TENM2: variants seen among roughly 807,000 people sequenced by gnomAD.
The protein encoded by TENM2 is teneurin transmembrane protein 2.
A neutral mutation model predicts 245.2 loss-of-function variants in TENM2; 52 were observed. The ratio of observed to expected loss-of-function variants is 0.21; its 90% confidence interval spans 0.17 to 0.27. The LOEUF is 0.27. Ranked by LOEUF, TENM2 falls within the 10% of genes least tolerant of loss-of-function variation. The pLI, the probability that TENM2 is intolerant of heterozygous loss-of-function variation, is 1.00. For synonymous variants in TENM2, 1,363 were observed against 1,438.9 expected, an observed-to-expected ratio of 0.95 and a Z score of 1.19; for missense variants, 3,046 against 3,666.8, an observed-to-expected ratio of 0.83 and a Z score of 4.37.
intron 2 of TENM2, among the ~76,000 whole-genome samples, chr5:167,580,828 C>A (rs528886123): frequency 6.6e-6 from 1 of 152,102 alleles, no homozygotes; most frequent in Non-Finnish European, 1.5e-5. Flanking sequence ...ATCTCTACAA[C>A]AAATACAAAA....
intron 12 of TENM2, among the ~76,000 whole-genome samples, chr5:168,138,118 T>G (rs1473718562): frequency 1.3e-5 from 2 of 152,212 alleles, no homozygotes; most frequent in East Asian, 3.9e-4. Context: ...ATTCCAAGTT[T>G]GAGGCAGTTT....
intron 2 of TENM2, among the ~76,000 whole-genome samples, chr5:167,431,660 CACA>C (rs1252229606): frequency 7.2e-5 from 11 of 151,794 alleles, no homozygotes; most frequent in South Asian, 2.1e-4. Context: ...TATCTATATA[CACA>C]ACAACAGACA....
intron 23 of TENM2, among the ~76,000 whole-genome samples, chr5:168,219,793 A>C (rs750597767): frequency 2.2e-5 from 3 of 137,484 alleles, no homozygotes; most frequent in Non-Finnish European, 3.0e-5. Flanking sequence ...GCTAGCTCAG[A>C]ATGTAGTTAA....
intron 2 of TENM2, among the ~76,000 whole-genome samples, chr5:167,442,342 C>T (rs1305460074): frequency 2.6e-5 from 4 of 152,136 alleles, no homozygotes; most frequent in Non-Finnish European, 5.9e-5. Context: ...CTTTATTATA[C>T]AAAATGCTGT....
intron 3 of TENM2, among the ~76,000 whole-genome samples, chr5:167,896,106 G>T (rs1366458923): frequency 6.6e-6 from 1 of 152,230 alleles, no homozygotes; most frequent in Non-Finnish European, 1.5e-5. Context: ...TGTCGACCCA[G>T]TGCCAGCATG....
rs536057061 is a variant in TENM2 at position 167,657,153 on chromosome 5, A to G, written c.503-218833A>G. Reference sequence around the variant, plus strand: ...CCCAGCCTCTGGTATTCTCTCTTCTACTTTTAATCTCTATGAGATCATGTT... The same window carrying G: ...CCCAGCCTCTGGTATTCTCTCTTCTGCTTTTAATCTCTATGAGATCATGTT... On this transcript the variant is annotated intron_variant, in intron 2 of 28. Coordinates refer to ENST00000518659, the Ensembl canonical transcript of TENM2. 7.2e-5 allele frequency among the ~76,000 whole-genome samples: 11 copies of G among 152,092 alleles called. No individual in the cohort carries two copies. In the South Asian group the frequency reaches 2.1e-3, roughly 29 times the overall value.
chr5:167,485,164 G>A (rs1767982401), intron 2 of TENM2, among the ~76,000 whole-genome samples: 1 of 152,156 alleles, frequency 6.6e-6, no homozygotes, highest in Admixed American at 6.5e-5. Context: ...TAATGTTGCT[G>A]GGGCTGGTAA....
intron 12 of TENM2, among the ~76,000 whole-genome samples, chr5:168,155,888 T>A (rs1370934964): frequency 5.6e-5 from 6 of 106,342 alleles, no homozygotes; most frequent in African/African-American, 1.8e-4. Flanking sequence ...ACCTCTGGCA[T>A]CTGTAAAAAA....
At chr5:167,485,672 G>A (rs1055390003) in intron 2 of TENM2, among the ~76,000 whole-genome samples, 1 of 152,026 alleles carries the variant, frequency 6.6e-6, no homozygotes, top group Non-Finnish European at 1.5e-5. Flanking sequence ...GAACAAAACA[G>A]CAATACTTAT....
the TENM2 span, among the ~76,000 whole-genome samples, chr5:167,093,027 C>T: frequency 1.3e-5 from 2 of 152,086 alleles, no homozygotes; most frequent in East Asian, 3.9e-4. Flanking sequence ...TTCTGAAACA[C>T]AACCATCAAA....
chr5:167,320,695 C>T (rs1756659643), intron 1 of TENM2, among the ~76,000 whole-genome samples: 1 of 152,132 alleles, frequency 6.6e-6, no homozygotes, highest in Non-Finnish European at 1.5e-5. Flanking sequence ...ACCTTGCCTT[C>T]CAACATGTTG....
chr5:168,120,930 C>T (rs184001762), intron 10 of TENM2, among the ~76,000 whole-genome samples: 4 of 152,190 alleles, frequency 2.6e-5, no homozygotes, highest in African/African-American at 7.2e-5. Flanking sequence ...AGGATGTATT[C>T]GTGAGGTTTC....
At chr5:167,807,624 TAAAAAAAAAA>T (rs11287928) in intron 2 of TENM2, among the ~76,000 whole-genome samples, 1 of 149,632 alleles carries the variant, frequency 6.7e-6, no homozygotes, top group Admixed American at 6.6e-5. Flanking sequence ...GCATTTTTTT[TAAAAAAAAAA>T]AAAAAGAGAC....
intron 2 of TENM2, among the ~76,000 whole-genome samples, chr5:167,502,124 A>G (rs973596601): frequency 4.6e-5 from 7 of 152,170 alleles, no homozygotes; most frequent in Non-Finnish European, 1.0e-4. Context: ...TTCACTTGTA[A>G]TATCGCCAGC....
chr5:168,057,592 T>C (rs1789661399), intron 6 of TENM2, among the ~76,000 whole-genome samples: 1 of 152,206 alleles, frequency 6.6e-6, no homozygotes, highest in Non-Finnish European at 1.5e-5. Context: ...CATTAAGTCA[T>C]GACTAGGACT....
At chr5:167,084,352 TATATATATATATATAC>T in the TENM2 span, among the ~76,000 whole-genome samples, 1 of 109,552 alleles carries the variant, frequency 9.1e-6, no homozygotes, top group Admixed American at 9.9e-5. Context: ...TATATATATA[TATATATATATATATAC>T]AGATCAGATT....
rs564620428 is a variant in TENM2, at chr5:168,043,920, T to G, written c.1187-3507T>G. 5.9e-5 allele frequency among the ~76,000 whole-genome samples: 9 copies of G among 152,338 alleles called. No homozygotes were observed. In the South Asian group the frequency reaches 1.7e-3, roughly 28 times the overall value. On this transcript the variant is annotated intron_variant, in intron 5 of 28. Transcript: ENST00000518659. ...AGGTTTGCTGAGACTCCATTACCCA[T>G]AGAATCTGTAACCAGATCACTATGA... is the stretch of plus-strand genomic sequence containing the variant.
intron 2 of TENM2, among the ~76,000 whole-genome samples, chr5:167,692,007 C>T (rs1174170119): frequency 6.6e-6 from 1 of 152,158 alleles, no homozygotes; most frequent in Non-Finnish European, 1.5e-5. Flanking sequence ...CTTCTTGACC[C>T]TCTGCCTTGC....
intron 3 of TENM2, among the ~76,000 whole-genome samples, chr5:167,885,581 A>C (rs1019829621): frequency 6.6e-6 from 1 of 152,324 alleles, no homozygotes; most frequent in Non-Finnish European, 1.5e-5. Context: ...TGACAAGAAG[A>C]CCACACCATG....
Sources: gnomAD v4.1 joint callset for allele counts (sites outside exome capture counted in the v4.1 genomes callset) on GRCh38, gnomAD v4.1.1 for gene constraint, MANE v1.5 for transcripts, NCBI Gene and HGNC (gene_info 2026-07-23, HGNC 2026-07-21) for gene names.